The following DENND2A variants were observed in gnomAD, a reference collection of about 807,000 sequenced individuals.
DENND2A encodes DENN domain-containing protein 2A.
Under a neutral mutation model 105.3 loss-of-function variants are expected in DENND2A, and 53 were observed. The observed-to-expected ratio is 0.50, with a 90% CI of 0.40 to 0.63. The LOEUF is 0.63. Among genes scored for constraint, DENND2A ranks in the 30% least tolerant of loss-of-function variants. DENND2A has a pLI of 0.00. For missense variants in DENND2A, 1,138 were observed against 1,279.6 expected (o/e 0.89, Z 1.69); for synonymous variants, 522 against 508.4 (o/e 1.03, Z -0.36).
intron 11 of DENND2A, 28 bp downstream of exon 11, chr7:140,558,115 T>C (rs1472168353): frequency 6.2e-7 from 1 of 1,605,932 alleles, no homozygotes; most frequent in African/African-American, 1.3e-5. Flanking sequence ...CACGAGGCTC[T>C]TGCAGGCTGA....
In DENND2A at chr7:140,523,720, G is replaced by A. The variant is rs558109127; in HGVS notation, c.2548-296C>T. On this transcript the variant is annotated intron_variant, in intron 16 of 19. Transcript: ENST00000496613. This position sits in a 1 kb window ranked among gnomAD's most constrained non-coding sequence, Gnocchi z 4.5. The stretch of plus-strand genomic sequence containing the variant: ...CTCCCAAGTAGCTGGAACTACAGGC[G>A]CGTGCCACCGCTCCTGGCTAATGTT... 1.5e-4 allele frequency among the ~76,000 whole-genome samples: 23 copies of A among 152,240 alleles called. No homozygotes were observed. The highest frequency in any genetic ancestry group is 2.9e-4 in the African/African-American group (12 of 41,536).
chr7:140,536,558 T>C (rs774128456), intron 14 of DENND2A, among the ~76,000 whole-genome samples: 7 of 152,204 alleles, frequency 4.6e-5, no homozygotes, highest in Non-Finnish European at 7.3e-5. Flanking sequence ...CATTTGTGGC[T>C]ATGCCAAACT....
intron 18 of DENND2A, among the ~76,000 whole-genome samples, chr7:140,521,068 G>T (rs1222667745): frequency 6.6e-6 from 1 of 151,082 alleles, no homozygotes; most frequent in Non-Finnish European, 1.5e-5. Context: ...TAGAGACAGG[G>T]TTTCACCACG....
At position 140,564,280 on chromosome 7, in the gene DENND2A, C is replaced by CA. The variant is rs142073371; in HGVS notation, c.1779+2805dup. Among the ~76,000 whole-genome samples the CA allele has an allele frequency of 4.4e-3, 563 of 128,372 alleles. 2 individuals are homozygous for CA. The highest frequency in any genetic ancestry group is 0.018 in the East Asian group (67 of 3,732). The allele number at this position is 128,372 out of a possible 152,430, so 84.2% of individuals were successfully genotyped here. On this transcript the variant is annotated intron_variant, in intron 9 of 19. Coordinates refer to ENST00000496613, the MANE Select transcript of DENND2A (RefSeq NM_015689.5). ...CTCAGGCAATAGAGTGAGACTGTGT[C>CA]AAAAAAAAAAAAAAAAATACACACA...
rs867110643 is a variant in DENND2A at position 140,602,043 on chromosome 7, C to T, written c.355G>A (p.Gly119Arg). ...ERNKGAVNVGGQDPEPGQDLS... is the reference protein window; with the variant it reads ...ERNKGAVNVGRQDPEPGQDLS... ...TCTTGCCCCGGCTCTGGGTCCTGTC[C>T]CCCGACGTTCACTGCTCCTTTATTC... The change falls in exon 3 of 20, where the codon GGA becomes AGA. Residue 119 changes from glycine (G) to arginine (R), a missense_variant. Coordinates refer to ENST00000496613, the MANE Select transcript of DENND2A (RefSeq NM_015689.5). 6 of 1,614,086 alleles carry T rather than the reference C, an allele frequency of 3.7e-6. No individual in the cohort carries two copies. The highest frequency in any genetic ancestry group is 5.1e-6 in the Non-Finnish European group (6 of 1,180,040).
At chr7:140,555,766 A>G in intron 11 of DENND2A, 53 bp from the exon 12 acceptor site, 1 of 1,494,642 alleles carries the variant, frequency 6.7e-7, no homozygotes, top group Non-Finnish European at 9.1e-7. Flanking sequence ...CTCAGGGAAG[A>G]AAGGAACCCA....
chr7:140,574,649 A>G (rs550512041), intron 5 of DENND2A, among the ~76,000 whole-genome samples: 1 of 152,246 alleles, frequency 6.6e-6, no homozygotes. Context: ...GCCTTGCTGC[A>G]GGATTGCTGA....
chr7:140,571,127 AT>A (rs1798077260), intron 6 of DENND2A, among the ~76,000 whole-genome samples: 1 of 152,182 alleles, frequency 6.6e-6, no homozygotes, highest in African/African-American at 2.4e-5. Flanking sequence ...AAAATATAGG[AT>A]GGTAATCAAT....
chr7:140,595,868 C>T (rs769006708), intron 3 of DENND2A, among the ~76,000 whole-genome samples: 1 of 152,164 alleles, frequency 6.6e-6, no homozygotes, highest in Non-Finnish European at 1.5e-5. Flanking sequence ...TTCCATCCTC[C>T]TCCTCCAGCT....
At chr7:140,589,046 T>G (rs1231557695) in intron 3 of DENND2A, among the ~76,000 whole-genome samples, 1 of 152,054 alleles carries the variant, frequency 6.6e-6, no homozygotes, top group African/African-American at 2.4e-5. Context: ...CCCGGCCTCT[T>G]ATACACATTT....
At chr7:140,550,063 C>T (rs752179368) in intron 12 of DENND2A, among the ~76,000 whole-genome samples, 63 of 131,514 alleles carry the variant, frequency 4.8e-4, no homozygotes, top group Middle Eastern at 4.9e-3. Flanking sequence ...TGTAACATTC[C>T]TAGAATCCTG....
chr7:140,561,994 A>G (rs1367178769), intron 9 of DENND2A, among the ~76,000 whole-genome samples: 1 of 151,680 alleles, frequency 6.6e-6, no homozygotes, highest in Non-Finnish European at 1.5e-5. Flanking sequence ...GGTTCAAGTG[A>G]TTCTCCTACC....
chr7:140,579,314 T>TAATAAA (rs1554472711), intron 5 of DENND2A, among the ~76,000 whole-genome samples: 2 of 150,712 alleles, frequency 1.3e-5, no homozygotes, highest in African/African-American at 4.9e-5. Flanking sequence ...ATAATAATAA[T>TAATAAA]AAAAAGAAAT....
chr7:140,595,464 T>C (rs1268346066), intron 3 of DENND2A, among the ~76,000 whole-genome samples: 1 of 152,138 alleles, frequency 6.6e-6, no homozygotes, highest in African/African-American at 2.4e-5. Flanking sequence ...TTTTCCTCTA[T>C]GGATTAAAAA....
Position 140,607,135 on chromosome 7 carries a change from C to A in DENND2A, c.-247-1329G>T, listed in dbSNP as rs117946586. Among the ~76,000 whole-genome samples, 1,341 of 152,288 alleles carry A rather than the reference C, an allele frequency of 8.8e-3. 8 individuals carry two copies. The highest frequency in any genetic ancestry group is 0.011 in the Non-Finnish European group (736 of 68,022). On this transcript the variant is annotated intron_variant, in intron 1 of 19. Transcript: ENST00000496613. ...TTTCCAGGGAAGCCCTCTCCCAACTCCTTCTTCAGTTTCCAGGATTCCTAC... is the reference window on the plus strand; with the variant it reads ...TTTCCAGGGAAGCCCTCTCCCAACTACTTCTTCAGTTTCCAGGATTCCTAC...
At chr7:140,548,332 C>G (rs1796988051) in intron 12 of DENND2A, among the ~76,000 whole-genome samples, 1 of 150,952 alleles carries the variant, frequency 6.6e-6, no homozygotes, top group African/African-American at 2.4e-5. Context: ...TCTCCACAAT[C>G]TAATTGTAAA....
intron 5 of DENND2A, among the ~76,000 whole-genome samples, chr7:140,579,083 CAA>C (rs1403675792): frequency 4.6e-5 from 7 of 151,988 alleles, no homozygotes; most frequent in African/African-American, 1.7e-4. Context: ...ATCACAAGGT[CAA>C]GAGATCGAGA....
intron 6 of DENND2A, among the ~76,000 whole-genome samples, chr7:140,570,668 T>C (rs1798056373): frequency 6.6e-6 from 1 of 152,152 alleles, no homozygotes; most frequent in Non-Finnish European, 1.5e-5. Flanking sequence ...CAAGTGCACA[T>C]GGATACCCTG....
intron 1 of DENND2A, among the ~76,000 whole-genome samples, chr7:140,622,371 G>C (rs1800326057): frequency 6.6e-6 from 1 of 151,990 alleles, no homozygotes; most frequent in South Asian, 2.1e-4. Context: ...ACTCCAGCCT[G>C]GGCGACAGAG....
Sources: gnomAD v4.1 joint callset for allele counts (sites outside exome capture counted in the v4.1 genomes callset) on GRCh38, gnomAD v4.1.1 for gene constraint, Gnocchi (gnomAD v3.1) non-coding constraint, MANE v1.5 for transcripts, NCBI Gene and HGNC (gene_info 2026-07-23, HGNC 2026-07-21) for gene names.